The following AJAP1 variants were observed in gnomAD, a reference collection of about 807,000 sequenced individuals.
AJAP1 encodes adherens junctions associated protein 1, also known as adherens junction-associated protein 1.
A neutral mutation model predicts 35.0 loss-of-function variants in AJAP1; 5 were observed. The observed-to-expected ratio is 0.14, with a 90% confidence interval of 0.07 to 0.30. The LOEUF is 0.30. Ranked by LOEUF, AJAP1 falls within the 10% of genes least tolerant of loss-of-function variation. AJAP1 has a pLI of 1.00. For synonymous variants in AJAP1, 284 were observed against 249.3 expected (o/e 1.14, Z -1.31); for missense variants, 586 against 571.0 (o/e 1.03, Z -0.27).
intron 1 of AJAP1, among the ~76,000 whole-genome samples, chr1:4,704,279 G>T (rs534817989): frequency 2.0e-5 from 3 of 151,320 alleles, no homozygotes; most frequent in Non-Finnish European, 4.4e-5. Flanking sequence ...TTAGCATTAG[G>T]TATATCTCCA....
intron 2 of AJAP1, among the ~76,000 whole-genome samples, chr1:4,721,069 G>C (rs994775111): frequency 2.0e-5 from 3 of 152,330 alleles, no homozygotes; most frequent in Middle Eastern, 3.4e-3. Flanking sequence ...GCACTTTACA[G>C]TTGCACACGC....
At chr1:4,727,516 C>T (rs1640693938) in intron 2 of AJAP1, among the ~76,000 whole-genome samples, 1 of 152,220 alleles carries the variant, frequency 6.6e-6, no homozygotes, top group African/African-American at 2.4e-5. Flanking sequence ...CCTCCACCTG[C>T]ATGTCTGCCT....
rs1431940997 is a variant in AJAP1, at chr1:4,723,896, T to C, written c.829+11197T>C. ...GGCAGGGACGGAGGAACGGGGACAA[T>C]ACAGAAGCCAAGTCCTTAAGGGATG... On this transcript the variant is annotated intron_variant, in intron 2 of 5. Transcript: ENST00000378191. This position sits in a 1 kb window ranked among gnomAD's most constrained non-coding sequence, Gnocchi z 4.3. Among the ~76,000 whole-genome samples the C allele has an allele frequency of 6.6e-6, 1 of 151,922 alleles. No individual in the cohort carries two copies. The highest frequency in any genetic ancestry group is 1.5e-5 in the Non-Finnish European group (1 of 67,978).
intron 2 of AJAP1, among the ~76,000 whole-genome samples, chr1:4,726,870 A>T (rs1187463981): frequency 6.6e-6 from 1 of 152,158 alleles, no homozygotes; most frequent in Non-Finnish European, 1.5e-5. Flanking sequence ...CTGATGAAAT[A>T]GGACAGAAAA....
At chr1:4,685,932 A>T (rs898052959) in intron 1 of AJAP1, among the ~76,000 whole-genome samples, 2 of 152,196 alleles carry the variant, frequency 1.3e-5, no homozygotes, top group African/African-American at 4.8e-5. Flanking sequence ...ATGTCAGAGG[A>T]CAGAGGGACC....
intron 5 of AJAP1, among the ~76,000 whole-genome samples, chr1:4,775,236 C>T (rs1003841941): frequency 6.6e-6 from 1 of 152,166 alleles, no homozygotes; most frequent in Non-Finnish European, 1.5e-5. Context: ...CTTCAGAGCA[C>T]TCGGGCTGCT....
chr1:4,739,051 G>T (rs933654764), intron 2 of AJAP1, among the ~76,000 whole-genome samples: 1 of 152,124 alleles, frequency 6.6e-6, no homozygotes, highest in Non-Finnish European at 1.5e-5. Context: ...CTCTCTCCCG[G>T]GAGATTGCAT....
intron 1 of AJAP1, among the ~76,000 whole-genome samples, chr1:4,687,646 G>A (rs955626495): frequency 6.6e-6 from 1 of 152,136 alleles, no homozygotes; most frequent in African/African-American, 2.4e-5. Flanking sequence ...GTGATGACTC[G>A]AGCCACAGCT....
At chr1:4,696,354 G>A (rs1639858395) in intron 1 of AJAP1, among the ~76,000 whole-genome samples, 1 of 152,200 alleles carries the variant, frequency 6.6e-6, no homozygotes, top group Non-Finnish European at 1.5e-5. Flanking sequence ...CACCTTCTCA[G>A]GAACAGCTTC....
chr1:4,695,059 C>G (rs909698019), intron 1 of AJAP1, among the ~76,000 whole-genome samples: 1 of 152,052 alleles, frequency 6.6e-6, no homozygotes, highest in Non-Finnish European at 1.5e-5. Flanking sequence ...CGCCAGGGGA[C>G]CTGTGGCCAT....
At chr1:4,670,976 G>C (rs1639236029) in intron 1 of AJAP1, among the ~76,000 whole-genome samples, 1 of 152,246 alleles carries the variant, frequency 6.6e-6, no homozygotes, top group Non-Finnish European at 1.5e-5. Flanking sequence ...CCTTCTAAGG[G>C]ATTTGCTATC....
rs551045150 is a variant in AJAP1, at chr1:4,787,549, G to A, written c.*5064G>A. On this transcript the variant is annotated 3_prime_UTR_variant, in exon 6 of 6. Coordinates refer to ENST00000378191, the MANE Select transcript of AJAP1 (RefSeq NM_018836.4). ...GATAAGACATCGCAGTTGTTACGAC[G>A]CCTGGTTCTCCACCAAATTCCTCTG... The A allele has an allele frequency of 4.5e-5, 18 of 396,994 alleles. No individual in the cohort carries two copies. Among genetic ancestry groups the A allele is most frequent in the South Asian group, 1.7e-4 (9 of 54,334 alleles). The allele number at this position is 396,994 out of a possible 1,614,324, so 24.6% of individuals were successfully genotyped here.
intron 3 of AJAP1, among the ~76,000 whole-genome samples, chr1:4,770,729 C>G (rs1397663771): frequency 2.0e-5 from 3 of 152,156 alleles, no homozygotes; most frequent in African/African-American, 4.8e-5. Context: ...CGCATCAGAG[C>G]CTCAGAATCA....
rs1178517212 is a variant in AJAP1, at chr1:4,666,515, TGCGGAGAGGGGCCC to T, written c.29+11063_29+11076del. Among the ~76,000 whole-genome samples, 18 of 124,100 alleles carry T rather than the reference TGCGGAGAGGGGCCC, an allele frequency of 1.5e-4. 1 individual carries two copies. The highest frequency in any genetic ancestry group is 5.3e-4 in the African/African-American group (17 of 31,946). 81.4% of individuals were successfully genotyped at this position (124,100 alleles called of 152,430 possible). ...GGGGGCCCGTGACTCACAGGAGGGG[TGCGGAGAGGGGCCC>T]GTGAATCACGGGAGGGGTGCGGAGA... is the stretch of plus-strand genomic sequence containing the variant. On this transcript the variant is annotated intron_variant, in intron 1 of 5. Coordinates refer to ENST00000378191, the MANE Select transcript of AJAP1 (RefSeq NM_018836.4).
intron 1 of AJAP1, among the ~76,000 whole-genome samples, chr1:4,699,258 A>G (rs242054): frequency 0.89 from 135,566 of 152,196 alleles, 60,683 homozygotes; most frequent in East Asian, 1. Flanking sequence ...CACCCTGCCC[A>G]CCTCCACCAA....
intron 1 of AJAP1, among the ~76,000 whole-genome samples, chr1:4,706,637 G>C (rs1002529963): frequency 6.6e-6 from 1 of 152,180 alleles, no homozygotes; most frequent in East Asian, 1.9e-4. Context: ...CACTGCACCA[G>C]TGCTCCCACA....
chr1:4,694,782 C>T (rs563127173), intron 1 of AJAP1, among the ~76,000 whole-genome samples: 18 of 152,240 alleles, frequency 1.2e-4, no homozygotes, highest in African/African-American at 3.1e-4. Context: ...CCCGGGGAGC[C>T]GAGCATGGGT....
chr1:4,665,935 G>C (rs1485889617), intron 1 of AJAP1, among the ~76,000 whole-genome samples: 2 of 152,220 alleles, frequency 1.3e-5, no homozygotes, highest in Non-Finnish European at 2.9e-5. Context: ...CCTTCTCAGA[G>C]GATGAGAGGA....
At chr1:4,765,879 G>C (rs1641672778) in intron 2 of AJAP1, among the ~76,000 whole-genome samples, 1 of 152,140 alleles carries the variant, frequency 6.6e-6, no homozygotes, top group Admixed American at 6.5e-5. Context: ...TGGGTGTTAA[G>C]ACCCAGCCAT....
Sources: gnomAD v4.1 joint callset for allele counts (sites outside exome capture counted in the v4.1 genomes callset) on GRCh38, gnomAD v4.1.1 for gene constraint, Gnocchi (gnomAD v3.1) non-coding constraint, MANE v1.5 for transcripts, NCBI Gene and HGNC (gene_info 2026-07-23, HGNC 2026-07-21) for gene names.